The following UBE2L3 variants were observed in gnomAD, a reference collection of about 807,000 sequenced individuals.
UBE2L3 encodes the protein ubiquitin conjugating enzyme E2 L3.
UBE2L3 carries 1 observed loss-of-function variant against 17.8 expected under a neutral mutation model. The observed-to-expected ratio is 0.06, with a 90% CI of 0.02 to 0.27. The LOEUF is 0.27. Ranked by LOEUF, UBE2L3 falls within the 10% of genes least tolerant of loss-of-function variation. The pLI is 1.00. For synonymous variants in UBE2L3, 44 were observed against 68.5 expected (o/e 0.64, Z 1.76); for missense variants, 40 against 192.6 (o/e 0.21, Z 4.69).
intron 3 of UBE2L3, among the ~76,000 whole-genome samples, chr22:21,612,190 T>G (rs149487299): frequency 1.5e-4 from 23 of 152,300 alleles, no homozygotes; most frequent in Admixed American, 1.1e-3. Context: ...ACTCCCACAC[T>G]GAGTAGAAGA....
At chr22:21,569,504 C>G (rs1926842319) in intron 1 of UBE2L3, among the ~76,000 whole-genome samples, 1 of 151,962 alleles carries the variant, frequency 6.6e-6, no homozygotes, top group South Asian at 2.1e-4. Flanking sequence ...CCCAAGTGCT[C>G]TCCTCCCCAG....
intron 3 of UBE2L3, among the ~76,000 whole-genome samples, chr22:21,616,669 A>T (rs1929792942): frequency 6.6e-6 from 1 of 151,796 alleles, no homozygotes; most frequent in African/African-American, 2.4e-5. Flanking sequence ...AAAAAAAAAA[A>T]AAAAAATTAG....
intron 1 of UBE2L3, among the ~76,000 whole-genome samples, chr22:21,556,015 A>G (rs1437571651): frequency 6.6e-6 from 1 of 152,258 alleles, no homozygotes; most frequent in African/African-American, 2.4e-5. Context: ...TGGGTGGAGT[A>G]CTTGAGCTCT....
chr22:21,585,877 G>A (rs1927908390), intron 1 of UBE2L3, among the ~76,000 whole-genome samples: 1 of 152,136 alleles, frequency 6.6e-6, no homozygotes, highest in African/African-American at 2.4e-5. Context: ...AATATTGGAT[G>A]GGAGGATTCC....
chr22:21,563,264 A>G (rs1190268396), upstream of UBE2L3, among the ~76,000 whole-genome samples: 1 of 107,308 alleles, frequency 9.3e-6, no homozygotes, highest in African/African-American at 4.0e-5. Context: ...AAAAAAATTT[A>G]TTACTGGCCG....
chr22:21,592,125 A>G (rs900078959), intron 1 of UBE2L3, among the ~76,000 whole-genome samples: 11 of 152,214 alleles, frequency 7.2e-5, no homozygotes, highest in African/African-American at 2.4e-4. Context: ...CACTTGCTGC[A>G]TTGACTGTTT....
intron 3 of UBE2L3, among the ~76,000 whole-genome samples, chr22:21,615,947 A>G (rs1020430860): frequency 2.0e-5 from 3 of 152,220 alleles, no homozygotes; most frequent in Non-Finnish European, 2.9e-5. Flanking sequence ...AGTGCTGTCT[A>G]GTATTCCTGA....
chr22:21,619,804 G>C (rs540698578), intron 3 of UBE2L3, among the ~76,000 whole-genome samples: 44 of 152,326 alleles, frequency 2.9e-4, no homozygotes, highest in African/African-American at 1.0e-3. Flanking sequence ...CGATTCTCCT[G>C]CCTCAGCCTC....
chr22:21,563,581 T>TG (rs1261033309), upstream of UBE2L3, among the ~76,000 whole-genome samples: 1 of 139,882 alleles, frequency 7.1e-6, no homozygotes, highest in East Asian at 2.1e-4. Context: ...AATTAATACT[T>TG]TTTTTTTTTT....
chr22:21,621,491 C>A (rs368231313), intron 3 of UBE2L3, 24 bp from the exon 4 acceptor site: 2 of 1,592,174 alleles, frequency 1.3e-6, no homozygotes, highest in African/African-American at 1.4e-5. Context: ...GTTAACCCCC[C>A]ATGCCTTGTC....
intron 3 of UBE2L3, 37 bp from the exon 4 acceptor site, chr22:21,621,478 T>G: frequency 1.3e-6 from 2 of 1,542,346 alleles, no homozygotes; most frequent in Non-Finnish European, 1.7e-6. Context: ...TTTCTGAGAC[T>G]GTGTTAACCC....
intron 1 of UBE2L3, among the ~76,000 whole-genome samples, chr22:21,560,446 A>ATTT (rs59968738): frequency 2.6e-4 from 33 of 126,218 alleles, no homozygotes; most frequent in Non-Finnish European, 3.3e-4. Context: ...CTTTAGATCT[A>ATTT]TTTTTTTTTT....
intron 1 of UBE2L3, chr22:21,568,125 C>T (rs1926740886): frequency 9.4e-7 from 1 of 1,058,692 alleles, no homozygotes; most frequent in Non-Finnish European, 1.1e-6. Flanking sequence ...AAACCGGGCG[C>T]CTTCGGGGAA....
At chr22:21,564,878 C>G (rs78232528), upstream of UBE2L3, among the ~76,000 whole-genome samples, 3,036 of 152,222 alleles carry the variant, frequency 0.02, 111 homozygotes, top group African/African-American at 0.071. Context: ...TCCCAGACTT[C>G]TAAGTCCCAC....
intron 2 of UBE2L3, among the ~76,000 whole-genome samples, chr22:21,608,763 G>A (rs1401052834): frequency 3.8e-5 from 1 of 26,602 alleles, no homozygotes; most frequent in Non-Finnish European, 7.6e-5. Flanking sequence ...TTTTTTTTTT[G>A]TAGAGATGGG....
intron 1 of UBE2L3, among the ~76,000 whole-genome samples, chr22:21,572,013 C>T (rs1156930047): frequency 6.6e-6 from 1 of 152,120 alleles, no homozygotes; most frequent in East Asian, 1.9e-4. Context: ...TAAATTCATG[C>T]ATTCCAGTAA....
intron 1 of UBE2L3, 147 bp downstream of exon 1, chr22:21,567,918 A>C: frequency 2.0e-6 from 3 of 1,497,952 alleles, no homozygotes; most frequent in East Asian, 5.0e-5. Flanking sequence ...GCGCAGGCTC[A>C]AGGTGCTAAC....
chr22:21,619,473 G>A (rs183259312), intron 3 of UBE2L3, among the ~76,000 whole-genome samples: 6 of 152,194 alleles, frequency 3.9e-5, no homozygotes, highest in Admixed American at 3.9e-4. Context: ...CATTGCATGC[G>A]CAATGCCCTC....
chr22:21,579,035 G>T (rs1279615598), intron 1 of UBE2L3, among the ~76,000 whole-genome samples: 3 of 151,828 alleles, frequency 2.0e-5, no homozygotes, highest in Non-Finnish European at 4.4e-5. Context: ...TTGTCACCCA[G>T]GCTGGAGTGC....
Sources: allele counts gnomAD v4.1 joint callset (sites outside exome capture counted in the v4.1 genomes callset), GRCh38; gene constraint gnomAD v4.1.1; transcripts MANE v1.5; gene names NCBI Gene and HGNC (gene_info 2026-07-23, HGNC 2026-07-21).